Variants in TENM4 observed in about 807,000 individuals in gnomAD.
The protein encoded by TENM4 is teneurin transmembrane protein 4.
A neutral mutation model predicts 243.3 loss-of-function variants in TENM4; 82 were observed. The ratio of observed to expected loss-of-function variants is 0.34; its 90% CI spans 0.28 to 0.40. The LOEUF (loss-of-function observed/expected upper bound fraction) is 0.40, where lower values mean the gene tolerates loss of function less well. TENM4 is among the 10% of genes least tolerant of loss of function. The pLI is 1.00. For synonymous variants in TENM4, 1,412 were observed against 1,456.3 expected (o/e 0.97, Z 0.69); for missense variants, 3,138 against 3,673.3 (o/e 0.85, Z 3.77).
At chr11:79,233,637 T>C (rs79477686) in intron 2 of TENM4, among the ~76,000 whole-genome samples, 5,703 of 151,032 alleles carry the variant, frequency 0.038, 338 homozygotes, top group African/African-American at 0.13. Flanking sequence ...TTCATATTGG[T>C]GGGGCAAGGC....
At chr11:78,759,095 C>T (rs1427026005) in intron 18 of TENM4, among the ~76,000 whole-genome samples, 1 of 152,166 alleles carries the variant, frequency 6.6e-6, no homozygotes, top group African/African-American at 2.4e-5. Flanking sequence ...GCCATTCATC[C>T]TTTCTCTGCT....
chr11:79,045,521 C>G (rs2136917832), intron 6 of TENM4, among the ~76,000 whole-genome samples: 1 of 152,226 alleles, frequency 6.6e-6, no homozygotes, highest in Non-Finnish European at 1.5e-5. Flanking sequence ...AGGAGAGAGA[C>G]AAAGAGACAT....
At position 78,729,404 on chromosome 11, in the gene TENM4, C is replaced by T. The variant is rs532000357; in HGVS notation, c.3378G>A (p.Gln1126=). 7.8e-5 allele frequency: 124 copies of T among 1,582,962 alleles called. 2 individuals are homozygous for T. In the South Asian group the frequency reaches 1.4e-3, roughly 18 times the overall value. Residue 1126 remains glutamine (Q), a synonymous_variant, in exon 22 of 34, where the codon CAG becomes CAA. Coordinates refer to ENST00000278550, the MANE Select transcript of TENM4 (RefSeq NM_001098816.3). ...FIWDKTDVYN[Q]KVFGLSEAFV... ...AGGCTTCTGAAAGCCCAAACACCTTCTGGTTGTAGACGTCTGTCTTGTCCC... is the reference window on the plus strand; with the variant it reads ...AGGCTTCTGAAAGCCCAAACACCTTTTGGTTGTAGACGTCTGTCTTGTCCC...
intron 6 of TENM4, among the ~76,000 whole-genome samples, chr11:78,925,231 T>G (rs1161513848): frequency 1.3e-5 from 2 of 152,086 alleles, no homozygotes; most frequent in African/African-American, 2.4e-5. Context: ...GATGTCTGAG[T>G]GTAGAATAAA....
chr11:78,695,511 G>A (rs1218904181), intron 28 of TENM4, among the ~76,000 whole-genome samples: 7 of 151,872 alleles, frequency 4.6e-5, no homozygotes, highest in Admixed American at 3.3e-4. Context: ...CTACAGGTGC[G>A]CACCACCATG....
At chr11:79,210,329 G>A (rs1312160001) in intron 3 of TENM4, among the ~76,000 whole-genome samples, 3 of 152,192 alleles carry the variant, frequency 2.0e-5, no homozygotes, top group Admixed American at 1.3e-4. Flanking sequence ...CAAGCAACAC[G>A]AAAGCAGGGA....
intron 2 of TENM4, among the ~76,000 whole-genome samples, chr11:79,231,445 C>T (rs1482786213): frequency 6.6e-5 from 10 of 151,782 alleles, no homozygotes; most frequent in African/African-American, 2.4e-4. Flanking sequence ...GCATTGAAGG[C>T]AGTCATTGAA....
chr11:78,879,432 T>C (rs12226474), intron 9 of TENM4, among the ~76,000 whole-genome samples: 4 of 66,838 alleles, frequency 6.0e-5, no homozygotes, highest in Non-Finnish European at 6.8e-5. Context: ...GGCCGCCCCG[T>C]CTGGGAGGTG....
At chr11:79,076,453 G>C (rs372146990) in intron 4 of TENM4, 4 of 153,824 alleles carry the variant, frequency 2.6e-5, no homozygotes, top group Non-Finnish European at 5.8e-5. Context: ...CAACAGAAGA[G>C]AGAGCTTGTG....
At chr11:78,883,475 G>A (rs141221339) in intron 9 of TENM4, among the ~76,000 whole-genome samples, 84 of 152,248 alleles carry the variant, frequency 5.5e-4, no homozygotes, top group African/African-American at 1.8e-3. Context: ...AGAAAATGGC[G>A]CCACTGCCCT....
At chr11:78,818,387 G>A (rs974559650) in intron 12 of TENM4, among the ~76,000 whole-genome samples, 2 of 152,226 alleles carry the variant, frequency 1.3e-5, no homozygotes, top group Non-Finnish European at 2.9e-5. Context: ...GTGACTGAGT[G>A]TAGTGTTGGT....
chr11:79,036,281 C>T (rs1276844267), intron 6 of TENM4, among the ~76,000 whole-genome samples: 1 of 152,238 alleles, frequency 6.6e-6, no homozygotes, highest in African/African-American at 2.4e-5. Context: ...CTTATATAAA[C>T]TCCACGATGA....
At chr11:79,010,417 C>A (rs1180177669) in intron 6 of TENM4, among the ~76,000 whole-genome samples, 4 of 152,056 alleles carry the variant, frequency 2.6e-5, no homozygotes, top group Non-Finnish European at 5.9e-5. Context: ...GAAGTCTTCA[C>A]TGGGCTTCCA....
chr11:79,127,603 G>A (rs541603321), intron 4 of TENM4, among the ~76,000 whole-genome samples: 9 of 152,272 alleles, frequency 5.9e-5, no homozygotes, highest in Middle Eastern at 3.4e-3. Context: ...CTACCTCAGG[G>A]GTATATCAAC....
At chr11:78,723,498 A>G (rs1430750356) in intron 23 of TENM4, among the ~76,000 whole-genome samples, 1 of 152,244 alleles carries the variant, frequency 6.6e-6, no homozygotes, top group East Asian at 1.9e-4. Context: ...ATCAAAGGAG[A>G]GTCAAGAAGC....
At chr11:79,083,717 A>T (rs1474653784) in intron 4 of TENM4, among the ~76,000 whole-genome samples, 6 of 152,022 alleles carry the variant, frequency 3.9e-5, no homozygotes, top group African/African-American at 1.2e-4. Context: ...CAAGCCAAAG[A>T]CCTCCTCCCA....
chr11:78,968,175 T>C (rs1257860885), intron 6 of TENM4, among the ~76,000 whole-genome samples: 2 of 152,244 alleles, frequency 1.3e-5, no homozygotes, highest in East Asian at 3.8e-4. Context: ...GTGACACACA[T>C]GCTCTCCCTT....
chr11:78,832,649 T>C (rs1279343943), intron 12 of TENM4, among the ~76,000 whole-genome samples: 1 of 152,258 alleles, frequency 6.6e-6, no homozygotes, highest in Non-Finnish European at 1.5e-5. Context: ...GAGCCTGCTC[T>C]GAACACTTTG....
intron 1 of TENM4, among the ~76,000 whole-genome samples, chr11:79,313,930 C>T (rs2135417381): frequency 6.6e-6 from 1 of 152,248 alleles, no homozygotes; most frequent in East Asian, 1.9e-4. Context: ...TTCTCTACTC[C>T]CCGGTGGCCA....
Sources: gnomAD v4.1 joint callset for allele counts (sites outside exome capture counted in the v4.1 genomes callset) on GRCh38, gnomAD v4.1.1 for gene constraint, MANE v1.5 for transcripts, NCBI Gene and HGNC (gene_info 2026-07-23, HGNC 2026-07-21) for gene names.